PDE4B: variants seen among roughly 807,000 people sequenced by gnomAD.
The protein encoded by PDE4B is 3',5'-cyclic-AMP phosphodiesterase 4B.
A neutral mutation model predicts 82.2 loss-of-function variants in PDE4B; 20 were observed. That is an observed-to-expected ratio of 0.24 (90% CI 0.17 to 0.35). The LOEUF is 0.35. Among genes scored for constraint, PDE4B ranks in the 10% least tolerant of loss-of-function variants. PDE4B has a pLI of 1.00. For synonymous variants in PDE4B, 320 were observed against 318.9 expected (o/e 1.00, Z -0.04); for missense variants, 655 against 907.2 (o/e 0.72, Z 3.57).
At chr1:65,902,239 T>C (rs1299094419) in intron 1 of PDE4B, among the ~76,000 whole-genome samples, 9 of 152,120 alleles carry the variant, frequency 5.9e-5, no homozygotes, top group South Asian at 2.1e-4. Context: ...TGCAATGTTT[T>C]AACACTTTCT....
intron 3 of PDE4B, among the ~76,000 whole-genome samples, chr1:66,010,359 A>G (rs1652416036): frequency 6.7e-6 from 1 of 150,114 alleles, no homozygotes; most frequent in Admixed American, 6.6e-5. Context: ...TTATAAAGAG[A>G]AAGAGGGGCA....
intron 3 of PDE4B, among the ~76,000 whole-genome samples, chr1:66,012,908 A>G (rs2100744072): frequency 6.6e-6 from 1 of 152,216 alleles, no homozygotes; most frequent in Non-Finnish European, 1.5e-5. Flanking sequence ...ACAAATAGTA[A>G]CTCATTTAAT....
At chr1:65,981,415 T>C (rs1206681465) in intron 3 of PDE4B, among the ~76,000 whole-genome samples, 1 of 152,204 alleles carries the variant, frequency 6.6e-6, no homozygotes, top group Non-Finnish European at 1.5e-5. Context: ...CAAATTGCTT[T>C]GTGTTGTCCT....
chr1:66,079,191 T>TCTCG (rs1207952937), intron 3 of PDE4B, among the ~76,000 whole-genome samples: 2 of 150,734 alleles, frequency 1.3e-5, no homozygotes, highest in South Asian at 2.2e-4. Context: ...TCTCTCTCTC[T>TCTCG]CTCTCTCTCT....
chr1:66,283,956 G>A (rs1656480610), intron 7 of PDE4B, among the ~76,000 whole-genome samples: 2 of 152,112 alleles, frequency 1.3e-5, no homozygotes, highest in South Asian at 4.1e-4. Context: ...AAAAGCACCT[G>A]GCGAGTACTC....
intron 1 of PDE4B, among the ~76,000 whole-genome samples, chr1:65,863,504 T>C (rs1241046677): frequency 6.6e-6 from 1 of 152,190 alleles, no homozygotes; most frequent in African/African-American, 2.4e-5. Context: ...GAGAGTTCTG[T>C]AGATGTGTAT....
chr1:65,964,964 A>G (rs1649738143), intron 3 of PDE4B, among the ~76,000 whole-genome samples: 1 of 152,082 alleles, frequency 6.6e-6, no homozygotes. Context: ...TGCATTTTTC[A>G]CTGTGCTGTT....
At chr1:66,050,622 C>T (rs1654972844) in intron 3 of PDE4B, 1 of 152,050 alleles carries the variant, frequency 6.6e-6, no homozygotes, top group Non-Finnish European at 1.5e-5. Context: ...AAAAGCAATG[C>T]CTCCAGATGT....
intron 3 of PDE4B, among the ~76,000 whole-genome samples, chr1:66,007,002 A>C (rs929276514): frequency 3.3e-5 from 5 of 152,094 alleles, no homozygotes; most frequent in Non-Finnish European, 4.4e-5. Context: ...GCATAGTGGC[A>C]AGTGCTTGTA....
chr1:66,053,057 T>C (rs1655124119), intron 3 of PDE4B, among the ~76,000 whole-genome samples: 2 of 152,238 alleles, frequency 1.3e-5, no homozygotes, highest in Admixed American at 1.3e-4. Context: ...GTGTATTTAC[T>C]GCTAAACATG....
At chr1:66,001,712 T>C (rs142884881) in intron 3 of PDE4B, among the ~76,000 whole-genome samples, 6 of 152,162 alleles carry the variant, frequency 3.9e-5, no homozygotes, top group Middle Eastern at 3.4e-3. Flanking sequence ...GTATATGCTT[T>C]TTTGGTTGTT....
At chr1:66,013,488 G>A (rs1425258251) in intron 3 of PDE4B, among the ~76,000 whole-genome samples, 1 of 151,900 alleles carries the variant, frequency 6.6e-6, no homozygotes, top group East Asian at 1.9e-4. Context: ...TTTAAGTGTG[G>A]TGAAACACAA....
At chr1:66,068,577 G>T (rs1655989831) in intron 3 of PDE4B, among the ~76,000 whole-genome samples, 1 of 151,698 alleles carries the variant, frequency 6.6e-6, no homozygotes. Flanking sequence ...TCCTGGATTG[G>T]GGCAATAAAA....
Position 66,023,598 on chromosome 1 carries a change from T to C in PDE4B, c.281+104763T>C, listed in dbSNP as rs184375355. On this transcript the variant is annotated intron_variant, in intron 3 of 16. Coordinates refer to ENST00000341517, the MANE Select transcript of PDE4B (RefSeq NM_002600.4). ...GAAAGCATTCAGGTGGAAGAGGGAA[T>C]TCCAGGTGAAGGAAATGGTTAACAA... Among the ~76,000 whole-genome samples the C allele has an allele frequency of 2.1e-3, 326 of 152,240 alleles. 1 individual carries two copies. Among genetic ancestry groups the C allele is most frequent in the African/African-American group, 7.6e-3 (315 of 41,548 alleles).
chr1:66,318,628 A>G (rs897605388), intron 7 of PDE4B, among the ~76,000 whole-genome samples: 5 of 152,240 alleles, frequency 3.3e-5, no homozygotes, highest in African/African-American at 1.2e-4. Context: ...AGTGCTTCCC[A>G]ATAGAAATAT....
chr1:66,066,460 G>A (rs1177339205), intron 3 of PDE4B, among the ~76,000 whole-genome samples: 2 of 151,806 alleles, frequency 1.3e-5, no homozygotes, highest in African/African-American at 4.8e-5. Flanking sequence ...TAGTATTTCT[G>A]TTGAGTACAC....
intron 3 of PDE4B, among the ~76,000 whole-genome samples, chr1:66,054,057 C>T (rs1330054561): frequency 6.6e-6 from 1 of 152,066 alleles, no homozygotes; most frequent in Admixed American, 6.5e-5. Flanking sequence ...CTTTTAAGCA[C>T]CTAGCTCTTC....
chr1:66,004,701 G>A (rs1652050380), intron 3 of PDE4B, among the ~76,000 whole-genome samples: 1 of 151,930 alleles, frequency 6.6e-6, no homozygotes, highest in South Asian at 2.1e-4. Flanking sequence ...TTCCTTAGTG[G>A]GATCTAACCT....
At chr1:66,012,924 C>T (rs1266537031) in intron 3 of PDE4B, among the ~76,000 whole-genome samples, 1 of 152,104 alleles carries the variant, frequency 6.6e-6, no homozygotes, top group Non-Finnish European at 1.5e-5. Flanking sequence ...TTAATCCTCA[C>T]AGTAACTTTA....
Sources: gnomAD v4.1 joint callset for allele counts (sites outside exome capture counted in the v4.1 genomes callset) on GRCh38, gnomAD v4.1.1 for gene constraint, MANE v1.5 for transcripts, NCBI Gene and HGNC (gene_info 2026-07-23, HGNC 2026-07-21) for gene names.